The following NPAS3 variants were observed in gnomAD, a reference collection of about 807,000 sequenced individuals.
The protein encoded by NPAS3 is neuronal PAS domain-containing protein 3.
NPAS3 carries 14 observed loss-of-function variants against 73.1 expected under a neutral mutation model. The observed-to-expected ratio is 0.19, with a 90% CI of 0.13 to 0.30. The LOEUF (loss-of-function observed/expected upper bound fraction) is 0.30, where lower values mean the gene tolerates loss of function less well. NPAS3 is among the 10% of genes least tolerant of loss of function. The pLI is 1.00. For synonymous variants in NPAS3, 620 were observed against 541.5 expected (o/e 1.14, Z -2.01); for missense variants, 1,096 against 1,250.0 (o/e 0.88, Z 1.86).
chr14:33,290,020 C>A (rs897998978), intron 3 of NPAS3, among the ~76,000 whole-genome samples: 3 of 152,054 alleles, frequency 2.0e-5, no homozygotes, highest in Non-Finnish European at 4.4e-5. Flanking sequence ...AGTTAGAAGC[C>A]TTTTTTCTAC....
intron 5 of NPAS3, among the ~76,000 whole-genome samples, chr14:33,668,206 G>A (rs1999163): frequency 0.092 from 13,998 of 151,956 alleles, 1,029 homozygotes; most frequent in Admixed American, 0.19. Flanking sequence ...TTGTTTTTTC[G>A]CGCAACAGTA....
chr14:33,635,023 C>G lies in NPAS3; in HGVS notation c.559-41188C>G, dbSNP rs142250087. 7.2e-5 allele frequency among the ~76,000 whole-genome samples: 11 copies of G among 152,278 alleles called. No homozygotes were observed. In the South Asian group the frequency reaches 2.3e-3, roughly 32 times the overall value. On this transcript the variant is annotated intron_variant, in intron 5 of 11. Coordinates refer to ENST00000356141, the Ensembl canonical transcript of NPAS3. ...CTGATATATGCTCAAGTTTGAGAAG[C>G]ACTGGTTTGAGGAAAGTATCACACA...
intron 1 of NPAS3, among the ~76,000 whole-genome samples, chr14:32,946,799 A>C (rs1448627595): frequency 6.6e-6 from 1 of 152,212 alleles, no homozygotes; most frequent in East Asian, 1.9e-4. Context: ...TTAAAATTTA[A>C]AGGGATATTT....
rs114777806 is a variant in NPAS3, at chr14:33,448,350, A to G, written c.468+81082A>G. ...ATAATTTAAGGGGATAACAGATTTCATCTCTCTAAAAGACAGTCCAAAGAT... is the reference window on the plus strand; with the variant it reads ...ATAATTTAAGGGGATAACAGATTTCGTCTCTCTAAAAGACAGTCCAAAGAT... On this transcript the variant is annotated intron_variant, in intron 4 of 11. Transcript: ENST00000356141. 3.4e-3 allele frequency among the ~76,000 whole-genome samples: 522 copies of G among 152,348 alleles called. 2 individuals carry two copies. Among genetic ancestry groups the G allele is most frequent in the African/African-American group, 0.011 (457 of 41,584 alleles).
chr14:32,997,342 T>A (rs1279200), intron 1 of NPAS3, among the ~76,000 whole-genome samples: 20,725 of 151,998 alleles, frequency 0.14, 1,429 homozygotes, highest in East Asian at 0.17. Context: ...CTGAAATGAG[T>A]TGAGACTTTG....
At chr14:32,985,462 T>C (rs1386399699) in intron 1 of NPAS3, among the ~76,000 whole-genome samples, 1 of 152,330 alleles carries the variant, frequency 6.6e-6, no homozygotes, top group East Asian at 1.9e-4. Flanking sequence ...ATGGGAACTT[T>C]TAGTGTTTCA....
chr14:33,428,243 A>G (rs778248543), intron 4 of NPAS3, among the ~76,000 whole-genome samples: 95 of 152,124 alleles, frequency 6.2e-4, no homozygotes, highest in Non-Finnish European at 9.9e-4. Flanking sequence ...GACCATGGAC[A>G]CATTTTTTAA....
At chr14:32,934,965 C>A (rs1419401423), upstream of NPAS3, 2 of 1,308,820 alleles carry the variant, frequency 1.5e-6, no homozygotes, top group Non-Finnish European at 2.0e-6. The surrounding 1 kb of genome is among the most constrained non-coding windows in gnomAD (Gnocchi z 4.1). Flanking sequence ...CCAACGGCAC[C>A]CCGCAGAACG....
Position 33,145,511 on chromosome 14 carries a change from T to C in NPAS3, c.141-69671T>C, listed in dbSNP as rs376615328. On this transcript the variant is annotated intron_variant, in intron 2 of 11. Coordinates refer to ENST00000356141, the Ensembl canonical transcript of NPAS3. ...TGCTTTTATTTCACTTTTTATTTTT[T>C]TCCCTCCCGTCGTGATAGGTGTCAC... Among the ~76,000 whole-genome samples, 31 of 152,310 alleles carry C rather than the reference T, an allele frequency of 2.0e-4. No individual in the cohort carries two copies. The East Asian group carries it at 3.9e-3, about 19-fold the overall frequency.
intron 1 of NPAS3, among the ~76,000 whole-genome samples, chr14:33,036,651 G>T (rs1351484439): frequency 1.3e-5 from 2 of 152,062 alleles, no homozygotes; most frequent in East Asian, 3.9e-4. Context: ...TCTCTGTCTA[G>T]TAAGTTTATA....
intron 5 of NPAS3, among the ~76,000 whole-genome samples, chr14:33,645,058 G>A (rs1282531738): frequency 2.7e-5 from 4 of 148,532 alleles, no homozygotes; most frequent in Non-Finnish European, 5.9e-5. Flanking sequence ...TCCAGCCTGG[G>A]CAACAAGAGT....
At chr14:33,653,279 A>C (rs947033738) in intron 5 of NPAS3, among the ~76,000 whole-genome samples, 2 of 152,360 alleles carry the variant, frequency 1.3e-5, no homozygotes, top group Middle Eastern at 6.8e-3. Context: ...GGTTGTCAGC[A>C]TGGTGCGTCT....
chr14:33,308,527 T>TATATATATACACACAC lies in NPAS3; in HGVS notation c.386-58658_386-58657insTATATATACACACACA. On this transcript the variant is annotated intron_variant, in intron 3 of 11. Transcript: ENST00000356141. ...TGCATAGTTTATATATATATATATATACATACACACACACACACACACACA... is the reference window on the plus strand; with the variant it reads ...TGCATAGTTTATATATATATATATATATATATATACACACACACATACACACACACACACACACACA... 7.6e-3 allele frequency among the ~76,000 whole-genome samples: 784 copies of TATATATATACACACAC among 103,626 alleles called. 17 individuals carry two copies. Among genetic ancestry groups the TATATATATACACACAC allele is most frequent in the Non-Finnish European group, 0.012 (618 of 53,454 alleles). 68.0% of individuals were successfully genotyped at this position (103,626 alleles called of 152,430 possible). A position where few individuals can be genotyped will look rare whatever the true frequency, so the allele number is the denominator to read the frequency against.
intron 5 of NPAS3, among the ~76,000 whole-genome samples, chr14:33,619,917 T>C (rs982878085): frequency 6.6e-6 from 1 of 152,222 alleles, no homozygotes; most frequent in African/African-American, 2.4e-5. Flanking sequence ...TGAAAAGGTC[T>C]TGTGATCCCA....
At chr14:32,938,674 C>T (rs1173624574), upstream of NPAS3, among the ~76,000 whole-genome samples, 1 of 151,602 alleles carries the variant, frequency 6.6e-6, no homozygotes, top group South Asian at 2.1e-4. Context: ...CCGCGCCCCC[C>T]GCAGGGAGGG....
chr14:32,982,862 A>T (rs1302429737), intron 1 of NPAS3, among the ~76,000 whole-genome samples: 4 of 152,220 alleles, frequency 2.6e-5, no homozygotes, highest in Admixed American at 2.6e-4. Flanking sequence ...TATTGGCCAA[A>T]ATAAAGCTGT....
chr14:32,995,056 C>T (rs921687313), intron 1 of NPAS3, among the ~76,000 whole-genome samples: 2 of 152,154 alleles, frequency 1.3e-5, no homozygotes, highest in African/African-American at 4.8e-5. Flanking sequence ...ATAAAGAAGA[C>T]AGGAAAGAAA....
At chr14:33,144,425 C>T (rs188135593) in intron 2 of NPAS3, among the ~76,000 whole-genome samples, 18 of 152,314 alleles carry the variant, frequency 1.2e-4, no homozygotes, top group Admixed American at 8.5e-4. Context: ...ACTTTTGTAA[C>T]GTTTTCATCA....
intron 2 of NPAS3, among the ~76,000 whole-genome samples, chr14:33,140,079 A>G (rs1481116863): frequency 6.6e-6 from 1 of 151,810 alleles, no homozygotes; most frequent in Non-Finnish European, 1.5e-5. Flanking sequence ...ATATTAAAAC[A>G]TTTTTCGGTA....
Sources: allele counts gnomAD v4.1 joint callset (sites outside exome capture counted in the v4.1 genomes callset), GRCh38; gene constraint gnomAD v4.1.1; non-coding constraint Gnocchi (gnomAD v3.1); transcripts MANE v1.5; gene names NCBI Gene and HGNC (gene_info 2026-07-23, HGNC 2026-07-21).